HARS1: variants seen among roughly 807,000 people sequenced by gnomAD.
The protein encoded by HARS1 is histidine--tRNA ligase, cytoplasmic.
A neutral mutation model predicts 63.6 loss-of-function variants in HARS1; 45 were observed. The ratio of observed to expected loss-of-function variants is 0.71; its 90% confidence interval spans 0.56 to 0.91. The LOEUF is 0.91. HARS1 is among the 40% of genes least tolerant of loss of function. HARS1 has a pLI of 0.00. For missense variants in HARS1, 508 were observed against 643.2 expected (o/e 0.79, Z 2.27); for synonymous variants, 205 against 247.1 (o/e 0.83, Z 1.60).
chr5:140,674,121 C>T lies in HARS1; in HGVS notation c.*136G>A, dbSNP rs2149817901. 1 of 695,966 alleles carries T rather than the reference C, an allele frequency of 1.4e-6. No homozygotes were observed. The highest frequency in any genetic ancestry group is 2.7e-4 in the Middle Eastern group (1 of 3,708). The allele number at this position is 695,966 out of a possible 1,614,324, so 43.1% of individuals were successfully genotyped here. ...TCAATAAAATAACCATAATAAAAAT[C>T]AAAGGCTCTGTTCTGACCACTCTTC... is the stretch of plus-strand genomic sequence containing the variant. On this transcript the variant is annotated 3_prime_UTR_variant, in exon 13 of 13. Coordinates refer to ENST00000504156, the MANE Select transcript of HARS1 (RefSeq NM_002109.6).
chr5:140,687,094 T>G lies in HARS1; in HGVS notation c.180+3761A>C, dbSNP rs577376089. The stretch of plus-strand genomic sequence containing the variant: ...AAAACAAGATGTTCTATGAAAAAAG[T>G]AGCTAGATCAGCTTGCAACTTGAAC... On this transcript the variant is annotated intron_variant, in intron 2 of 12. Transcript: ENST00000504156. Among the ~76,000 whole-genome samples the G allele has an allele frequency of 5.0e-4, 76 of 152,344 alleles. 2 individuals carry two copies. The South Asian group carries it at 0.015, about 31-fold the overall frequency.
rs1759002406 is a variant in HARS1 at position 140,685,978 on chromosome 5, G to A, written c.181-2759C>T. 2.0e-5 allele frequency among the ~76,000 whole-genome samples: 3 copies of A among 146,814 alleles called. No homozygotes were observed. The South Asian group carries it at 6.5e-4, about 32-fold the overall frequency. ...GGAGTCTCGCTCTGTCACCCAGGCT[G>A]AAGTGCAGTGGTGTGATCTCGGCTC... On this transcript the variant is annotated intron_variant, in intron 2 of 12. Coordinates refer to ENST00000504156, the MANE Select transcript of HARS1 (RefSeq NM_002109.6).
intron 12 of HARS1, 55 bp from the exon 13 acceptor site, chr5:140,674,383 C>T: frequency 1.6e-6 from 2 of 1,241,630 alleles, no homozygotes; most frequent in Non-Finnish European, 2.4e-6. Context: ...CACTGCTCCC[C>T]GAGTGCCTAG....
intron 2 of HARS1, among the ~76,000 whole-genome samples, chr5:140,686,247 T>G (rs1759020979): frequency 6.6e-6 from 1 of 150,802 alleles, no homozygotes; most frequent in African/African-American, 2.4e-5. Context: ...TTTATTTGTT[T>G]GTTTGTTTTT....
At position 140,674,681 on chromosome 5, in the gene HARS1, C is replaced by T; in HGVS notation, c.1456G>A (p.Glu486Lys). The T allele has an allele frequency of 6.2e-7, 1 of 1,614,262 alleles. No individual in the cohort carries two copies. Among genetic ancestry groups the T allele is most frequent in the Non-Finnish European group, 8.5e-7 (1 of 1,180,040 alleles). ...GCCTTCCTGCCCACCTCCCTCACCT[C>T]TTCCCTGCTCGTCACTGAACGGAGC... ...IKLRSVTSRE[E>K]VDVRREDLVE... is the part of the protein sequence containing the mutation. Residue 486 changes from glutamate (E) to lysine (K), a missense_variant and splice_region_variant, in exon 12 of 13, where the codon GAG becomes AAG. This residue lies in a region of HARS1 where 403 missense variants were observed against 548.7 expected (regional missense o/e 0.73). Coordinates refer to ENST00000504156, the MANE Select transcript of HARS1 (RefSeq NM_002109.6).
chr5:140,679,071 G>A lies in HARS1; in HGVS notation c.453C>T (p.His151=), dbSNP rs1758560640. 1 of 1,613,872 alleles carries A rather than the reference G, an allele frequency of 6.2e-7. No individual in the cohort carries two copies. The highest frequency in any genetic ancestry group is 8.5e-7 in the Non-Finnish European group (1 of 1,179,846). The change falls in exon 5 of 13, where the codon CAC becomes CAT. Residue 151 remains histidine, a synonymous_variant. Coordinates refer to ENST00000504156, the MANE Select transcript of HARS1 (RefSeq NM_002109.6). This position sits in a 1 kb window ranked among gnomAD's most constrained non-coding sequence, Gnocchi z 4.3. The part of the protein sequence containing the change: ...MNKLTNIKRY[H]IAKVYRRDNP... ...TATCCCGCCGATATACCTTTGCTAT[G>A]TGGTAGCGTTTAATGTTGGTCAGTT...
chr5:140,684,896 G>A (rs1758928979), intron 2 of HARS1: 1 of 152,174 alleles, frequency 6.6e-6, no homozygotes, highest in South Asian at 2.1e-4. Flanking sequence ...TGAGAAGAGT[G>A]GCACTGATTT....
At chr5:140,678,846 A>G (rs1352375062) in intron 5 of HARS1, 156 bp downstream of exon 5, 6 of 773,434 alleles carry the variant, frequency 7.8e-6, no homozygotes, top group Non-Finnish European at 1.2e-5. Context: ...TCCGTCTCAA[A>G]AAAACAAAAA....
Position 140,691,205 on chromosome 5 carries a change from TA to T in HARS1, c.90+9del. 1 of 1,591,620 alleles carries T rather than the reference TA, an allele frequency of 6.3e-7. No individual in the cohort carries two copies. ...TGCCTTGGCCCTCTCCCCTGCTGCC[TA>T]AATCTCACCAGCTCGGCGCTGGCCT... On this transcript the variant is annotated intron_variant, in intron 1 of 12. Transcript: ENST00000504156.
At chr5:140,685,972 C>T (rs1759001871) in intron 2 of HARS1, among the ~76,000 whole-genome samples, 1 of 151,040 alleles carries the variant, frequency 6.6e-6, no homozygotes, top group African/African-American at 2.4e-5. Context: ...CTCTGTCACC[C>T]AGGCTGAAGT....
At chr5:140,678,203 A>T in intron 5 of HARS1, 188 bp from the exon 6 acceptor site, 1 of 595,412 alleles carries the variant, frequency 1.7e-6, no homozygotes, top group Non-Finnish European at 3.0e-6. Flanking sequence ...TTTCCTTTCC[A>T]TCTACTGGGC....
At position 140,679,850 on chromosome 5, in the gene HARS1, T is replaced by A; in HGVS notation, c.334A>T (p.Lys112Ter). The A allele has an allele frequency of 1.2e-6, 2 of 1,608,224 alleles. No individual in the cohort carries two copies. Among genetic ancestry groups the A allele is most frequent in the Non-Finnish European group, 1.7e-6 (2 of 1,174,720 alleles). The change falls in exon 4 of 13, where the codon AAG (lysine) becomes TAG (stop). Residue 112 changes from lysine to a stop codon, truncating the protein, a stop_gained. Transcript: ENST00000504156. LOFTEE classifies it high-confidence loss of function. This position sits in a 1 kb window ranked among gnomAD's most constrained non-coding sequence, Gnocchi z 4.3. Reference protein sequence around the residue: ...TLMGKYGEDSKLIYDLKDQGG... With the variant: ...TLMGKYGEDS The stretch of plus-strand genomic sequence containing the variant: ...TGGTCCTTCAGGTCATAGATAAGCT[T>A]GGAGTCTTCCCCATACTTTCCCATC...
Position 140,691,287 on chromosome 5 carries a change from C to G in HARS1, c.18G>C (p.Ala6=). ...CCTGAAGTTTCACCAGCTCCTCCAG[C>G]GCCGCACGCTCTGCCATCCCGGCTG... MAERA[A]LEELVKLQGE... The change falls in exon 1 of 13, where the codon GCG becomes GCC. Residue 6 remains alanine, a synonymous_variant. Transcript: ENST00000504156. 6.2e-7 allele frequency: 1 copy of G among 1,607,188 alleles called. No individual in the cohort carries two copies. The highest frequency in any genetic ancestry group is 2.2e-5 in the East Asian group (1 of 44,848).
At chr5:140,682,208 CCT>C (rs1463629140) in intron 3 of HARS1, among the ~76,000 whole-genome samples, 7 of 151,968 alleles carry the variant, frequency 4.6e-5, no homozygotes, top group African/African-American at 1.7e-4. Context: ...CATAGCAAGA[CCT>C]CTGTCTCTAT....
chr5:140,690,960 A>G lies in HARS1; in HGVS notation c.91-16T>C. On this transcript the variant is annotated splice_polypyrimidine_tract_variant and intron_variant, in intron 1 of 12. Coordinates refer to ENST00000504156, the MANE Select transcript of HARS1 (RefSeq NM_002109.6). ...CCTCCTCGATCTGTGGAGGGAAAGA[A>G]GGCGCTGAGCTATCCATCTGTCACT... is the stretch of plus-strand genomic sequence containing the variant. 6.8e-7 allele frequency: 1 copy of G among 1,477,674 alleles called. No homozygotes were observed. Among genetic ancestry groups the G allele is most frequent in the Non-Finnish European group, 9.5e-7 (1 of 1,056,144 alleles). 91.5% of individuals were successfully genotyped at this position (1,477,674 alleles called of 1,614,324 possible).
At chr5:140,675,377 C>A in intron 10 of HARS1, 3 of 381,714 alleles carry the variant, frequency 7.9e-6, no homozygotes, top group East Asian at 4.6e-5. Flanking sequence ...AGCTTTTTTA[C>A]AGTAACTTCA....
Position 140,674,081 on chromosome 5 carries a change from T to G in HARS1, c.*176A>C. ...TGAAAAAGGTGTTGTACCTGGCCGT[T>G]TTTGCCAGTAATAATCAATAAAATA... On this transcript the variant is annotated 3_prime_UTR_variant, in exon 13 of 13. Coordinates refer to ENST00000504156, the MANE Select transcript of HARS1 (RefSeq NM_002109.6). 150 of 658,470 alleles carry G rather than the reference T, an allele frequency of 2.3e-4. No homozygotes were observed. The highest frequency in any genetic ancestry group is 4.0e-4 in the East Asian group (14 of 34,726). The allele number at this position is 658,470 out of a possible 1,614,324, so 40.8% of individuals were successfully genotyped here.
In HARS1 at chr5:140,676,610, C is replaced by T; in HGVS notation, c.1194+44G>A. Reference sequence around the variant, plus strand: ...CTTGGAGATCAGATAGCTTAGGTGCCACCACCTGCTCAGACTATCTTCTAC... The same window carrying T: ...CTTGGAGATCAGATAGCTTAGGTGCTACCACCTGCTCAGACTATCTTCTAC... On this transcript the variant is annotated intron_variant, in intron 10 of 12. Coordinates refer to ENST00000504156, the MANE Select transcript of HARS1 (RefSeq NM_002109.6). The surrounding 1 kb of genome is among the most constrained non-coding windows in gnomAD (Gnocchi z 4.1). 6.3e-7 allele frequency: 1 copy of T among 1,591,674 alleles called. No homozygotes were observed. Among genetic ancestry groups the T allele is most frequent in the Non-Finnish European group, 8.6e-7 (1 of 1,163,470 alleles).
chr5:140,674,386 G>C (rs1471905491), intron 12 of HARS1, 58 bp from the exon 13 acceptor site: 14 of 1,216,912 alleles, frequency 1.2e-5, no homozygotes, highest in Non-Finnish European at 1.7e-5. Flanking sequence ...TGCTCCCCGA[G>C]TGCCTAGTTT....
Sources: allele counts gnomAD v4.1 joint callset (sites outside exome capture counted in the v4.1 genomes callset), GRCh38; gene constraint gnomAD v4.1.1; regional missense constraint gnomAD v4.1.1; non-coding constraint Gnocchi (gnomAD v3.1); transcripts MANE v1.5; gene names NCBI Gene and HGNC (gene_info 2026-07-23, HGNC 2026-07-21).